Variants in PTPN13 observed in about 807,000 individuals in gnomAD.
The protein encoded by PTPN13 is protein tyrosine phosphatase non-receptor type 13.
In PTPN13, 191 loss-of-function variants were observed where a neutral mutation model predicts 284.0. The observed-to-expected ratio is 0.67, with a 90% CI of 0.60 to 0.76. The LOEUF is 0.76. Among genes scored for constraint, PTPN13 ranks in the 30% least tolerant of loss-of-function variants. The probability of loss-of-function intolerance (pLI) is 0.00; values close to 1 mark genes in which losing one functional copy is unlikely to be tolerated. For missense variants in PTPN13, 2,797 were observed against 2,939.9 expected, an observed-to-expected ratio of 0.95 and a Z score of 1.12; for synonymous variants, 986 against 1,022.3, an observed-to-expected ratio of 0.96 and a Z score of 0.68.
At chr4:86,715,678 A>G (rs906727354) in intron 7 of PTPN13, among the ~76,000 whole-genome samples, 3 of 152,198 alleles carry the variant, frequency 2.0e-5, no homozygotes, top group African/African-American at 7.2e-5. Flanking sequence ...TGTATGTTGA[A>G]GACTCTAGTT....
chr4:86,809,027 A>C (rs1420589949), intron 45 of PTPN13, among the ~76,000 whole-genome samples: 1 of 152,186 alleles, frequency 6.6e-6, no homozygotes, highest in Non-Finnish European at 1.5e-5. Context: ...CCAGTACAAA[A>C]GTCCTGAGAC....
At chr4:86,754,382 T>A (rs1578581567) in intron 20 of PTPN13, among the ~76,000 whole-genome samples, 1 of 152,080 alleles carries the variant, frequency 6.6e-6, no homozygotes, top group East Asian at 1.9e-4. Context: ...TGGTAGTAAT[T>A]ATTGACTAAC....
At position 86,751,093 on chromosome 4, in the gene PTPN13, C is replaced by A; in HGVS notation, c.3135C>A (p.Ser1045=). 1 of 1,605,544 alleles carries A rather than the reference C, an allele frequency of 6.2e-7. No individual in the cohort carries two copies. The highest frequency in any genetic ancestry group is 1.1e-5 in the South Asian group (1 of 90,676). The change falls in exon 19 of 48, where the codon TCC becomes TCA. Residue 1045 remains serine, a synonymous_variant. Transcript: ENST00000411767. ...ERRKHESDSS[S]IEDPGQAYVL... ...GGAAACATGAATCAGACTCCTCATCCATTGAAGACCCTGGGCAAGCATATG... is the reference window on the plus strand; with the variant it reads ...GGAAACATGAATCAGACTCCTCATCAATTGAAGACCCTGGGCAAGCATATG...
rs1727813390 is a variant in PTPN13, at chr4:86,672,407, C to T, written c.158C>T (p.Pro53Leu). The T allele has an allele frequency of 6.4e-7, 1 of 1,557,958 alleles. No individual in the cohort carries two copies. Among genetic ancestry groups the T allele is most frequent in the African/African-American group, 1.4e-5 (1 of 73,590 alleles). ...GCTGCCCTTGGCTTCATCATTTCTC[C>T]ATGGTCTCTGCTGTTGCTGCCATCT... is the stretch of plus-strand genomic sequence containing the variant. ...DPAALGFIIS[P>L]WSLLLLPSGS... The change falls in exon 3 of 48, where the codon CCA becomes CTA. Residue 53 changes from proline (P) to leucine (L), a missense_variant. By Grantham distance (98) the Pro-to-Leu change is moderately conservative (BLOSUM62 -3). Transcript: ENST00000411767.
intron 2 of PTPN13, among the ~76,000 whole-genome samples, chr4:86,658,813 T>TA (rs908420150): frequency 3.9e-5 from 6 of 151,964 alleles, no homozygotes; most frequent in Non-Finnish European, 4.4e-5. Context: ...GTCAAAATTT[T>TA]AAAAAAAATT....
chr4:86,752,485 G>C (rs2149213134), intron 19 of PTPN13, among the ~76,000 whole-genome samples: 1 of 152,220 alleles, frequency 6.6e-6, no homozygotes, highest in African/African-American at 2.4e-5. Context: ...TTGAAAATAG[G>C]CTAAGAGATT....
At chr4:86,709,099 G>T (rs370906803) in intron 7 of PTPN13, among the ~76,000 whole-genome samples, 1 of 151,772 alleles carries the variant, frequency 6.6e-6, no homozygotes, top group African/African-American at 2.4e-5. Flanking sequence ...ACACACACTT[G>T]TGTGGATGGA....
At chr4:86,746,673 T>A (rs1279129584) in intron 17 of PTPN13, among the ~76,000 whole-genome samples, 1 of 152,164 alleles carries the variant, frequency 6.6e-6, no homozygotes, top group Non-Finnish European at 1.5e-5. Context: ...AGTTTCGCTC[T>A]TGTCAAAATC....
intron 3 of PTPN13, among the ~76,000 whole-genome samples, chr4:86,682,791 T>C (rs564058061): frequency 1.3e-5 from 2 of 152,304 alleles, no homozygotes; most frequent in East Asian, 1.9e-4. Flanking sequence ...ACAAACGCTT[T>C]TAATTTATGA....
intron 42 of PTPN13, among the ~76,000 whole-genome samples, chr4:86,802,313 T>A (rs1744123688): frequency 1.3e-5 from 2 of 152,156 alleles, no homozygotes; most frequent in Non-Finnish European, 2.9e-5. Context: ...CTAGAATACT[T>A]ATTTTTAAAA....
Position 86,767,903 on chromosome 4 carries a change from G to C in PTPN13, c.4416G>C (p.Gln1472His). Residue 1472 changes from glutamine to histidine, a missense_variant, in exon 28 of 48, where the codon CAG (glutamine) becomes CAC (histidine). By Grantham distance (24) the Gln-to-His change is conservative. Transcript: ENST00000411767. ...PVTPQCTLSD[Q>H]NAQGQGPEKV... ...CCCCACAGTGTACCCTTTCAGATCAGAATGCCCAAGGTCAAGGCCCAGAAA... is the reference window on the plus strand; with the variant it reads ...CCCCACAGTGTACCCTTTCAGATCACAATGCCCAAGGTCAAGGCCCAGAAA... 1 of 1,609,358 alleles carries C rather than the reference G, an allele frequency of 6.2e-7. No homozygotes were observed. Among genetic ancestry groups the C allele is most frequent in the Non-Finnish European group, 8.5e-7 (1 of 1,177,666 alleles).
intron 6 of PTPN13, among the ~76,000 whole-genome samples, chr4:86,694,437 G>C (rs144895459): frequency 6.6e-6 from 1 of 151,090 alleles, no homozygotes; most frequent in African/African-American, 2.4e-5. Context: ...AAAATTAGCC[G>C]GGCATGGTGG....
intron 20 of PTPN13, among the ~76,000 whole-genome samples, chr4:86,756,843 G>A (rs1289330254): frequency 6.6e-6 from 1 of 152,026 alleles, no homozygotes; most frequent in South Asian, 2.1e-4. Flanking sequence ...ATACTGATTT[G>A]GTTGTTACAA....
At chr4:86,774,606 A>G (rs1740391563) in intron 33 of PTPN13, 75 bp downstream of exon 33, 1 of 1,359,726 alleles carries the variant, frequency 7.4e-7, no homozygotes, top group Non-Finnish European at 9.9e-7. Context: ...AGATTGAATT[A>G]TTGTAATACT....
intron 1 of PTPN13, chr4:86,595,857 T>G: frequency 1.2e-5 from 7 of 564,598 alleles, no homozygotes; most frequent in Non-Finnish European, 1.3e-5. Flanking sequence ...GGGGGGGGAG[T>G]AAAAGTGCAT....
At chr4:86,720,321 G>T (rs534675937) in intron 9 of PTPN13, among the ~76,000 whole-genome samples, 1 of 152,184 alleles carries the variant, frequency 6.6e-6, no homozygotes, top group Admixed American at 6.5e-5. Context: ...AATTTTGATT[G>T]TTTCCAGATT....
intron 2 of PTPN13, among the ~76,000 whole-genome samples, chr4:86,654,449 T>A: frequency 6.6e-6 from 1 of 152,242 alleles, no homozygotes; most frequent in Non-Finnish European, 1.5e-5. Flanking sequence ...GTTGTGTCTT[T>A]GTTCTCATTG....
chr4:86,675,836 A>G (rs935946402), intron 3 of PTPN13, among the ~76,000 whole-genome samples: 2 of 152,054 alleles, frequency 1.3e-5, no homozygotes, highest in Non-Finnish European at 2.9e-5. Context: ...TTCCTTTGAA[A>G]TCGGTTTGAT....
chr4:86,758,876 A>C (rs932083239), intron 22 of PTPN13, 66 bp from the exon 23 acceptor site: 1 of 1,585,272 alleles, frequency 6.3e-7, no homozygotes, highest in African/African-American at 1.4e-5. Context: ...GAAAGAGATG[A>C]TATTTCTAAG....
Sources: allele counts gnomAD v4.1 joint callset (sites outside exome capture counted in the v4.1 genomes callset), GRCh38; gene constraint gnomAD v4.1.1; transcripts MANE v1.5; gene names NCBI Gene and HGNC (gene_info 2026-07-23, HGNC 2026-07-21).